The following ADARB2 variants were observed in gnomAD, a reference collection of about 807,000 sequenced individuals.
ADARB2 encodes the protein adenosine deaminase RNA specific B2 (inactive), also known as inactive double-stranded RNA-specific editase B2.
A neutral mutation model predicts 62.2 loss-of-function variants in ADARB2; 25 were observed. That is an observed-to-expected ratio of 0.40 (90% CI 0.29 to 0.56). The LOEUF is 0.56. Among genes scored for constraint, ADARB2 ranks in the 20% least tolerant of loss-of-function variants. ADARB2 has a pLI of 0.43. For synonymous variants in ADARB2, 572 were observed against 500.8 expected (o/e 1.14, Z -1.90); for missense variants, 1,071 against 1,077.4 (o/e 0.99, Z 0.08).
At chr10:1,628,177 C>G (rs991760056) in intron 1 of ADARB2, among the ~76,000 whole-genome samples, 9 of 152,246 alleles carry the variant, frequency 5.9e-5, no homozygotes, top group African/African-American at 2.2e-4. Context: ...TGCCTGCAGC[C>G]TCCTCTGGCC....
At chr10:1,260,288 G>A (rs967949967) in intron 4 of ADARB2, among the ~76,000 whole-genome samples, 5 of 152,170 alleles carry the variant, frequency 3.3e-5, no homozygotes, top group Admixed American at 2.0e-4. Context: ...CATAGTGTTG[G>A]AAGTTTTGGC....
intron 1 of ADARB2, among the ~76,000 whole-genome samples, chr10:1,639,479 G>A (rs1371729916): frequency 6.6e-6 from 1 of 152,234 alleles, no homozygotes; most frequent in Non-Finnish European, 1.5e-5. Flanking sequence ...CCATTCACGA[G>A]CAGCCTGATG....
intron 4 of ADARB2, among the ~76,000 whole-genome samples, chr10:1,248,076 C>T (rs1254890898): frequency 1.3e-5 from 2 of 152,218 alleles, no homozygotes; most frequent in Non-Finnish European, 2.9e-5. Flanking sequence ...GTCGGGGATG[C>T]TCCAGTAGGG....
intron 1 of ADARB2, among the ~76,000 whole-genome samples, chr10:1,474,610 C>G (rs1193661974): frequency 6.6e-6 from 1 of 152,178 alleles, no homozygotes; most frequent in Non-Finnish European, 1.5e-5. Context: ...GTCCCAAGCA[C>G]CTGGGAGAGG....
At chr10:1,365,050 T>G (rs1296149022) in intron 2 of ADARB2, among the ~76,000 whole-genome samples, 3 of 152,014 alleles carry the variant, frequency 2.0e-5, no homozygotes, top group Non-Finnish European at 4.4e-5. Context: ...TTTTTGTATT[T>G]TTTTAGAGAT....
chr10:1,543,543 G>A (rs1462706836), intron 1 of ADARB2, among the ~76,000 whole-genome samples: 1 of 152,198 alleles, frequency 6.6e-6, no homozygotes, highest in Admixed American at 6.5e-5. Flanking sequence ...GTCCATTGCC[G>A]CATTTATTCG....
intron 1 of ADARB2, among the ~76,000 whole-genome samples, chr10:1,483,166 C>CT (rs542550383): frequency 4.6e-5 from 7 of 152,224 alleles, no homozygotes; most frequent in East Asian, 1.9e-4. Flanking sequence ...CTTGGTTTCC[C>CT]TTTTTTTCTA....
intron 1 of ADARB2, among the ~76,000 whole-genome samples, chr10:1,653,333 A>G (rs887107667): frequency 6.6e-6 from 1 of 152,174 alleles, no homozygotes; most frequent in Non-Finnish European, 1.5e-5. Context: ...GTTGAGACAC[A>G]GAAAGAACCT....
At chr10:1,723,402 T>C (rs989725041) in intron 1 of ADARB2, among the ~76,000 whole-genome samples, 6 of 152,174 alleles carry the variant, frequency 3.9e-5, no homozygotes, top group African/African-American at 1.2e-4. Context: ...GAACAGCCGG[T>C]GGGGCCGGAG....
chr10:1,419,353 T>G (rs1165795834), intron 1 of ADARB2, among the ~76,000 whole-genome samples: 1 of 152,196 alleles, frequency 6.6e-6, no homozygotes, highest in Non-Finnish European at 1.5e-5. Flanking sequence ...TTTTATCTTT[T>G]TGGTGTCTAA....
chr10:1,275,917 T>A (rs1186435626), intron 3 of ADARB2, among the ~76,000 whole-genome samples: 1 of 152,104 alleles, frequency 6.6e-6, no homozygotes, highest in African/African-American at 2.4e-5. Context: ...TGTTGGACAT[T>A]TGGCTTGGTT....
chr10:1,594,605 C>T (rs189733643), intron 1 of ADARB2, among the ~76,000 whole-genome samples: 43 of 152,334 alleles, frequency 2.8e-4, no homozygotes, highest in Middle Eastern at 3.4e-3. Flanking sequence ...GGGCCTCAGA[C>T]AGACCCTTTG....
rs1833873577 is a variant in ADARB2 at position 1,633,561 on chromosome 10, TATC to T, written c.100+103487_100+103489del. ...TCTGTCTATCTATCATCTATCTATC[TATC>T]TATCTATCTATCTATCTATCTATCT... On this transcript the variant is annotated intron_variant, in intron 1 of 9. Coordinates refer to ENST00000381312, the MANE Select transcript of ADARB2 (RefSeq NM_018702.4). Among the ~76,000 whole-genome samples, 3 of 136,104 alleles carry T rather than the reference TATC, an allele frequency of 2.2e-5. No homozygotes were observed. In the South Asian group the frequency reaches 7.3e-4, roughly 33 times the overall value. The allele number at this position is 136,104 out of a possible 152,430, so 89.3% of individuals were successfully genotyped here.
intron 4 of ADARB2, among the ~76,000 whole-genome samples, chr10:1,259,801 G>A (rs1237637140): frequency 1.3e-5 from 2 of 152,122 alleles, no homozygotes; most frequent in Admixed American, 1.3e-4. Flanking sequence ...CTCATTTTAG[G>A]AGGCCAGCAT....
Position 1,426,129 on chromosome 10 carries a change from A to G in ADARB2, c.101-46969T>C, listed in dbSNP as rs550514547. ...GATCTATAATGACACAACAAAACTC[A>G]TATAGAGAAGGGGAATCAAGATCTG... On this transcript the variant is annotated intron_variant, in intron 1 of 9. Coordinates refer to ENST00000381312, the MANE Select transcript of ADARB2 (RefSeq NM_018702.4). This position sits in a 1 kb window ranked among gnomAD's most constrained non-coding sequence, Gnocchi z 4.1. Among the ~76,000 whole-genome samples the G allele has an allele frequency of 2.0e-5, 3 of 152,170 alleles. No homozygotes were observed. The highest frequency in any genetic ancestry group is 4.4e-5 in the Non-Finnish European group (3 of 68,024).
At chr10:1,362,969 G>A (rs2387652) in intron 3 of ADARB2, 59 bp downstream of exon 3, 324,808 of 1,259,160 alleles carry the variant, frequency 0.26, 47,539 homozygotes, top group East Asian at 0.72. Context: ...GGGAAAGGTC[G>A]GGGTCTCCCC....
At chr10:1,558,818 G>A (rs12772748) in intron 1 of ADARB2, among the ~76,000 whole-genome samples, 2 of 11,752 alleles carry the variant, frequency 1.7e-4, no homozygotes, top group African/African-American at 5.3e-4. Flanking sequence ...CCACCTCTGC[G>A]CCCCTCCATG....
chr10:1,665,217 T>C (rs1834300280), intron 1 of ADARB2, among the ~76,000 whole-genome samples: 1 of 152,252 alleles, frequency 6.6e-6, no homozygotes, highest in African/African-American at 2.4e-5. Context: ...CCTGGCTCCC[T>C]GGCTTATTGC....
At chr10:1,454,724 A>G (rs1278547891) in intron 1 of ADARB2, among the ~76,000 whole-genome samples, 1 of 152,116 alleles carries the variant, frequency 6.6e-6, no homozygotes, top group Non-Finnish European at 1.5e-5. Flanking sequence ...CTGGAAGATG[A>G]AACTTTCTGT....
Sources: gnomAD v4.1 joint callset for allele counts (sites outside exome capture counted in the v4.1 genomes callset) on GRCh38, gnomAD v4.1.1 for gene constraint, Gnocchi (gnomAD v3.1) non-coding constraint, MANE v1.5 for transcripts, NCBI Gene and HGNC (gene_info 2026-07-23, HGNC 2026-07-21) for gene names.